The following ACTN2 variants were observed in gnomAD, a reference collection of about 807,000 sequenced individuals.
ACTN2 encodes the protein alpha-actinin-2.
Under a neutral mutation model 113.8 loss-of-function variants are expected in ACTN2, and 39 were observed. That is an observed-to-expected ratio of 0.34 (90% CI 0.27 to 0.45). The LOEUF (loss-of-function observed/expected upper bound fraction) is 0.45. Ranked by LOEUF, ACTN2 falls within the 20% of genes least tolerant of loss-of-function variation. The probability of loss-of-function intolerance (pLI) is 1.00; values close to 1 mark genes in which losing one functional copy is unlikely to be tolerated. For synonymous variants in ACTN2, 429 were observed against 444.1 expected (o/e 0.97, Z 0.43); for missense variants, 992 against 1,177.9 (o/e 0.84, Z 2.31).
At chr1:236,748,319 C>G (rs1445178473) in intron 13 of ACTN2, among the ~76,000 whole-genome samples, 4 of 152,124 alleles carry the variant, frequency 2.6e-5, no homozygotes, top group African/African-American at 9.7e-5. Flanking sequence ...TTCCCTGAGT[C>G]TTTTCTGCTT....
At chr1:236,740,870 C>T (rs2891795) in intron 10 of ACTN2, among the ~76,000 whole-genome samples, 55,406 of 151,898 alleles carry the variant, frequency 0.36, 12,838 homozygotes, top group African/African-American at 0.66. Context: ...TGAAGTTCTT[C>T]CTACTTTGGC....
rs1327538194 is a variant in ACTN2, at chr1:236,719,025, G to A, written c.361+12G>A. 1 of 1,613,726 alleles carries A rather than the reference G, an allele frequency of 6.2e-7. No homozygotes were observed. Among genetic ancestry groups the A allele is most frequent in the Admixed American group, 1.7e-5 (1 of 60,004 alleles). ...CATTGGCGCTGAAGGTGAGAGGTGT[G>A]GTGGGTGGTCCTGTCTGCCACACTG... On this transcript the variant is annotated intron_variant, in intron 3 of 20. Transcript: ENST00000366578.
chr1:236,744,989 C>T (rs572967620), intron 12 of ACTN2, among the ~76,000 whole-genome samples: 6 of 152,208 alleles, frequency 3.9e-5, no homozygotes, highest in Non-Finnish European at 7.4e-5. Context: ...AGCAGCACCC[C>T]GGCCCTCAGC....
In ACTN2 at chr1:236,731,249, A is replaced by G; in HGVS notation, c.632A>G (p.Asn211Ser). ...SKLNKDDPIGNINLAMEIAEK... is the reference protein window; with the variant it reads ...SKLNKDDPIGSINLAMEIAEK... Reference sequence around the variant, plus strand: ...TTCATACAGGATGACCCCATAGGAAATATTAACCTGGCCATGGAAATCGCT... The same window carrying G: ...TTCATACAGGATGACCCCATAGGAAGTATTAACCTGGCCATGGAAATCGCT... The change falls in exon 7 of 21, where the codon AAT becomes AGT. Residue 211 changes from asparagine to serine, a missense_variant. Coordinates refer to ENST00000366578, the MANE Select transcript of ACTN2 (RefSeq NM_001103.4). 6.2e-7 allele frequency: 1 copy of G among 1,613,568 alleles called. No individual in the cohort carries two copies. Among genetic ancestry groups the G allele is most frequent in the Non-Finnish European group, 8.5e-7 (1 of 1,179,496 alleles).
intron 1 of ACTN2, among the ~76,000 whole-genome samples, chr1:236,693,177 G>GCGCGCA (rs1355436088): frequency 4.7e-5 from 7 of 149,150 alleles, no homozygotes; most frequent in African/African-American, 1.7e-4. Context: ...CTGCACACAT[G>GCGCGCA]CACACACACA....
At position 236,737,149 on chromosome 1, in the gene ACTN2, A is replaced by G; in HGVS notation, c.811A>G (p.Lys271Glu). 1 of 1,606,902 alleles carries G rather than the reference A, an allele frequency of 6.2e-7. No homozygotes were observed. The highest frequency in any genetic ancestry group is 8.5e-7 in the Non-Finnish European group (1 of 1,175,614). The change falls in exon 9 of 21, where the codon AAG becomes GAG. Residue 271 changes from lysine to glutamate, a missense_variant. Around this residue, in one of 3 missense-constraint regions of ACTN2, gnomAD observed 220 missense variants for 337.5 expected, o/e 0.65. Coordinates refer to ENST00000366578, the MANE Select transcript of ACTN2 (RefSeq NM_001103.4). ...QAETAANRIC[K>E]VLAVNQENER... Reference sequence around the variant, plus strand: ...CGAGACAGCGGCTAACAGGATATGTAAGGTTCTTGCTGTGAATCAAGAGAA... The same window carrying G: ...CGAGACAGCGGCTAACAGGATATGTGAGGTTCTTGCTGTGAATCAAGAGAA...
At chr1:236,689,975 C>T (rs1288777295) in intron 1 of ACTN2, among the ~76,000 whole-genome samples, 3 of 152,168 alleles carry the variant, frequency 2.0e-5, no homozygotes, top group East Asian at 1.9e-4. Flanking sequence ...TTTAAGGACA[C>T]GAAATATGTG....
chr1:236,708,822 C>G (rs1657911845), intron 1 of ACTN2, among the ~76,000 whole-genome samples: 1 of 152,178 alleles, frequency 6.6e-6, no homozygotes, highest in Admixed American at 6.5e-5. Flanking sequence ...GAGGGCAGAG[C>G]CTCCTTTCTT....
chr1:236,689,300 GATATATATATATATATATATAT>G (rs57239117), intron 1 of ACTN2, among the ~76,000 whole-genome samples: 10,800 of 122,578 alleles, frequency 0.088, 521 homozygotes, highest in Middle Eastern at 0.17. Context: ...TTACAGATGT[GATATATATATATATATATATAT>G]ATATATATAT....
At chr1:236,700,343 C>A (rs934109210) in intron 1 of ACTN2, among the ~76,000 whole-genome samples, 1 of 152,126 alleles carries the variant, frequency 6.6e-6, no homozygotes, top group African/African-American at 2.4e-5. Context: ...CCACCACACC[C>A]AGCTAATTGT....
chr1:236,719,529 T>G (rs760151627), intron 3 of ACTN2, among the ~76,000 whole-genome samples: 2 of 152,234 alleles, frequency 1.3e-5, no homozygotes, highest in Admixed American at 1.3e-4. Flanking sequence ...CAGTGGCTCA[T>G]GCTCATCCCA....
In ACTN2 at chr1:236,737,297, G is replaced by GTATATATATATATA; in HGVS notation, c.876+83_876+84insTATATATATATATA. On this transcript the variant is annotated intron_variant, in intron 9 of 20. Transcript: ENST00000366578. Reference sequence around the variant, plus strand: ...GAGGGTGAAAAAATACTCCGTGGGGGCATATATATATATATATATATTTTG... The same window carrying GTATATATATATATA: ...GAGGGTGAAAAAATACTCCGTGGGGGTATATATATATATACATATATATATATATATATATTTTG... 2,564 of 322,078 alleles carry GTATATATATATATA rather than the reference G, an allele frequency of 8.0e-3. 824 individuals carry two copies. The highest frequency in any genetic ancestry group is 0.011 in the Middle Eastern group (13 of 1,194). 20.0% of individuals were successfully genotyped at this position (322,078 alleles called of 1,614,324 possible).
intron 1 of ACTN2, among the ~76,000 whole-genome samples, chr1:236,715,230 A>C (rs544221162): frequency 6.6e-6 from 1 of 151,018 alleles, no homozygotes; most frequent in African/African-American, 2.4e-5. Flanking sequence ...ATATGTATAC[A>C]TGTGCCATGT....
chr1:236,695,078 A>G (rs1251411767), intron 1 of ACTN2, among the ~76,000 whole-genome samples: 1 of 150,194 alleles, frequency 6.7e-6, no homozygotes, highest in Non-Finnish European at 1.5e-5. Flanking sequence ...TCGTTAAAAA[A>G]TGTTCAGGCC....
chr1:236,753,889 G>A, intron 15 of ACTN2, 58 bp from the exon 16 acceptor site: 1 of 1,543,868 alleles, frequency 6.5e-7, no homozygotes, highest in Non-Finnish European at 8.9e-7. Flanking sequence ...GCATTCTGTG[G>A]TTGTTCCTAT....
At chr1:236,743,156 G>C (rs1414465621) in intron 11 of ACTN2, 113 bp downstream of exon 11, 13 of 1,311,576 alleles carry the variant, frequency 9.9e-6, no homozygotes, top group Non-Finnish European at 1.4e-5. Context: ...CTAAAGGTAG[G>C]TGTCGTCACC....
At chr1:236,717,793 G>A (rs954786939) in intron 1 of ACTN2, 65 bp from the exon 2 acceptor site, 8 of 1,130,818 alleles carry the variant, frequency 7.1e-6, no homozygotes, top group East Asian at 4.8e-5. Flanking sequence ...GTCAAGTGTC[G>A]TCTGTGAGGA....
chr1:236,741,772 C>T (rs547288988), intron 10 of ACTN2, among the ~76,000 whole-genome samples: 13 of 152,212 alleles, frequency 8.5e-5, no homozygotes, highest in African/African-American at 1.7e-4. Context: ...AAATTCATCC[C>T]GCCTACATCA....
At chr1:236,727,585 C>T in intron 5 of ACTN2, 93 bp from the exon 6 acceptor site, 1 of 1,359,088 alleles carries the variant, frequency 7.4e-7, no homozygotes, top group Non-Finnish European at 1.1e-6. Context: ...TGAAGTCAGA[C>T]AGAAGGAAGG....
Sources: allele counts gnomAD v4.1 joint callset (sites outside exome capture counted in the v4.1 genomes callset), GRCh38; gene constraint gnomAD v4.1.1; regional missense constraint gnomAD v4.1.1; transcripts MANE v1.5; gene names NCBI Gene and HGNC (gene_info 2026-07-23, HGNC 2026-07-21).